Variants in ZNF331 observed in about 807,000 individuals in gnomAD.
The protein encoded by ZNF331 is C2H2-like zinc finger protein rearranged in thyroid adenomas.
In ZNF331, 2 loss-of-function variants were observed where a neutral mutation model predicts 7.0. The ratio of observed to expected loss-of-function variants is 0.29; its 90% confidence interval spans 0.12 to 0.90. ZNF331 has a LOEUF of 0.90. ZNF331 is among the 40% of genes least tolerant of loss of function. The pLI, the probability that ZNF331 is intolerant of heterozygous loss-of-function variation, is 0.58. For missense variants in ZNF331, 432 were observed against 587.7 expected (o/e 0.74, Z 2.74); for synonymous variants, 196 against 205.4 (o/e 0.95, Z 0.39).
chr19:53,507,331 C>G, the ZNF331 span, among the ~76,000 whole-genome samples: 1 of 152,124 alleles, frequency 6.6e-6, no homozygotes, highest in South Asian at 2.1e-4. Flanking sequence ...GTCCCACAGA[C>G]AGCTTGGGGC....
rs921049561 is a variant in ZNF331 at position 53,573,383 on chromosome 19, C to T, written c.136+1653C>T. ...TACAAAAATTTGCCGGGTGTGGTGG[C>T]GCATGCCTGTAATTCCAGCTACTTG... On this transcript the variant is annotated intron_variant, in intron 5 of 5. Transcript: ENST00000449416. The surrounding 1 kb of genome is among the most constrained non-coding windows in gnomAD (Gnocchi z 4.2). Among the ~76,000 whole-genome samples the T allele has an allele frequency of 4.6e-5, 7 of 152,052 alleles. No homozygotes were observed. The highest frequency in any genetic ancestry group is 2.1e-4 in the South Asian group (1 of 4,812).
rs1166959539 is a variant in ZNF331 at position 53,573,955 on chromosome 19, A to G, written c.136+2225A>G. On this transcript the variant is annotated intron_variant, in intron 5 of 5. Coordinates refer to ENST00000449416, the MANE Select transcript of ZNF331 (RefSeq NM_001079906.2). This position sits in a 1 kb window ranked among gnomAD's most constrained non-coding sequence, Gnocchi z 4.2. ...TGGTGAAAACCCGTCTCTACTAAAA[A>G]CACAAAAATTAGCCGGTGTGCTGGT... Among the ~76,000 whole-genome samples the G allele has an allele frequency of 2.0e-5, 3 of 152,042 alleles. No individual in the cohort carries two copies. Among genetic ancestry groups the G allele is most frequent in the Non-Finnish European group, 4.4e-5 (3 of 68,006 alleles).
intron 2 of ZNF331, among the ~76,000 whole-genome samples, chr19:53,540,918 G>T (rs1415179664): frequency 6.6e-6 from 1 of 152,036 alleles, no homozygotes; most frequent in Non-Finnish European, 1.5e-5. Flanking sequence ...GAGGACCCTG[G>T]TGATTACATT....
intron 5 of ZNF331, among the ~76,000 whole-genome samples, chr19:53,574,191 G>A (rs1327805828): frequency 1.3e-5 from 2 of 152,186 alleles, no homozygotes; most frequent in East Asian, 1.9e-4. Flanking sequence ...ATGTCCTCTA[G>A]CATTTCGTTT....
chr19:53,539,755 G>C lies in ZNF331; in HGVS notation c.-138+473G>C, dbSNP rs2088006101. 6.6e-6 allele frequency among the ~76,000 whole-genome samples: 1 copy of C among 152,130 alleles called. No homozygotes were observed. Among genetic ancestry groups the C allele is most frequent in the Non-Finnish European group, 1.5e-5 (1 of 68,022 alleles). Reference sequence around the variant, plus strand: ...TAAGGAGATACTCTGTAATTTCATGGCATTAAGAAGGATGGACATGCCCCA... The same window carrying C: ...TAAGGAGATACTCTGTAATTTCATGCCATTAAGAAGGATGGACATGCCCCA... On this transcript the variant is annotated intron_variant, in intron 2 of 5. Coordinates refer to ENST00000449416, the MANE Select transcript of ZNF331 (RefSeq NM_001079906.2). This position sits in a 1 kb window ranked among gnomAD's most constrained non-coding sequence, Gnocchi z 6.1.
chr19:53,521,321 A>AGTGTGTGTGTGTGT (rs766042196), exon 1 of ZNF331: 1 of 89,754 alleles, frequency 1.1e-5, no homozygotes, highest in African/African-American at 5.6e-5. Flanking sequence ...GGGAAGTGGG[A>AGTGTGTGTGTGTGT]GTGTGTGTGA....
At chr19:53,566,776 C>T (rs1482069733) in intron 3 of ZNF331, among the ~76,000 whole-genome samples, 1 of 152,074 alleles carries the variant, frequency 6.6e-6, no homozygotes, top group African/African-American at 2.4e-5. Flanking sequence ...GTTTCCAGTT[C>T]AGTGTGTTAA....
intron 2 of ZNF331, among the ~76,000 whole-genome samples, chr19:53,542,389 T>TG (rs2088238277): frequency 6.6e-6 from 1 of 152,214 alleles, no homozygotes; most frequent in Non-Finnish European, 1.5e-5. Flanking sequence ...TAATCACCCA[T>TG]GAACACTAAT....
chr19:53,553,620 G>A (rs2089159678), intron 2 of ZNF331, among the ~76,000 whole-genome samples: 1 of 152,112 alleles, frequency 6.6e-6, no homozygotes, highest in Admixed American at 6.5e-5. Context: ...AGTAGTACCT[G>A]CAACATCCTG....
intron 2 of ZNF331, among the ~76,000 whole-genome samples, chr19:53,540,464 G>C (rs1458426165): frequency 6.6e-6 from 1 of 150,710 alleles, no homozygotes; most frequent in Non-Finnish European, 1.5e-5. Flanking sequence ...ATGGAGGCTT[G>C]CTCTGTTGCC....
chr19:53,532,887 T>C (rs2087596051), intron 2 of ZNF331, among the ~76,000 whole-genome samples: 1 of 152,188 alleles, frequency 6.6e-6, no homozygotes, highest in African/African-American at 2.4e-5. Flanking sequence ...TCTGATTTTA[T>C]TGATTTTTGA....
chr19:53,552,021 G>C (rs2089043137), intron 2 of ZNF331, among the ~76,000 whole-genome samples: 1 of 152,058 alleles, frequency 6.6e-6, no homozygotes, highest in Non-Finnish European at 1.5e-5. Flanking sequence ...TTACAAATCT[G>C]CTTGTACAAG....
Position 53,578,810 on chromosome 19 carries a change from T to A in ZNF331, c.*858T>A, listed in dbSNP as rs2090829574. 5.1e-6 allele frequency: 1 copy of A among 196,064 alleles called. No individual in the cohort carries two copies. The highest frequency in any genetic ancestry group is 1.8e-3 in the Middle Eastern group (1 of 552). 12.1% of individuals were successfully genotyped at this position (196,064 alleles called of 1,614,324 possible). Reference sequence around the variant, plus strand: ...GATCACTGTTGTTTTTGTTTTTGTTTTTGTTTTTTTGAGACAGAGTCTCAC... The same window carrying A: ...GATCACTGTTGTTTTTGTTTTTGTTATTGTTTTTTTGAGACAGAGTCTCAC... On this transcript the variant is annotated 3_prime_UTR_variant, in exon 6 of 6. Transcript: ENST00000449416.
chr19:53,504,538 T>G, the ZNF331 span, among the ~76,000 whole-genome samples: 9 of 152,136 alleles, frequency 5.9e-5, 1 homozygote, highest in South Asian at 1.7e-3. Context: ...CACTGAAACG[T>G]AAACGTTATA....
the ZNF331 span, among the ~76,000 whole-genome samples, chr19:53,514,257 G>A: frequency 6.6e-5 from 10 of 151,870 alleles, no homozygotes; most frequent in Admixed American, 1.3e-4. Flanking sequence ...GGAGTGCAGT[G>A]GCACGATCTC....
At chr19:53,534,720 C>T (rs748785146), upstream of ZNF331, among the ~76,000 whole-genome samples, 8 of 152,156 alleles carry the variant, frequency 5.3e-5, no homozygotes, top group Non-Finnish European at 1.0e-4. Flanking sequence ...TTTGTAATTG[C>T]ACCAGGCCCA....
At position 53,576,701 on chromosome 19, in the gene ZNF331, G is replaced by A. The variant is rs753763555; in HGVS notation, c.141G>A (p.Leu47=). 13 of 1,596,132 alleles carry A rather than the reference G, an allele frequency of 8.1e-6. No homozygotes were observed. The South Asian group carries it at 1.4e-4, about 17-fold the overall frequency. ...AAATATGTTCTTTTTTCCCAGATTT[G>A]GAGTCAGCATATGAAAATAAGAGTT... ...ENYSNLVSLD[L]ESAYENKSLP... is the part of the protein sequence containing the mutation. The change falls in exon 6 of 6, where the codon TTG becomes TTA. Residue 47 remains leucine (L), a synonymous_variant. Transcript: ENST00000449416.
At chr19:53,540,581 T>A (rs28621685) in intron 2 of ZNF331, among the ~76,000 whole-genome samples, 1 of 151,364 alleles carries the variant, frequency 6.6e-6, no homozygotes, top group Non-Finnish European at 1.5e-5. Flanking sequence ...TACAGGCACA[T>A]GTCACCATCC....
chr19:53,550,529 C>CTTTTTTTTT (rs60619357), intron 2 of ZNF331, among the ~76,000 whole-genome samples: 726 of 64,600 alleles, frequency 0.011, 6 homozygotes, highest in Middle Eastern at 0.045. Flanking sequence ...TCTATTTTGT[C>CTTTTTTTTT]TTTTTTTTTT....
Sources: gnomAD v4.1 joint callset for allele counts (sites outside exome capture counted in the v4.1 genomes callset) on GRCh38, gnomAD v4.1.1 for gene constraint, Gnocchi (gnomAD v3.1) non-coding constraint, MANE v1.5 for transcripts, NCBI Gene and HGNC (gene_info 2026-07-23, HGNC 2026-07-21) for gene names.